Variants in DEPDC1B observed in about 807,000 individuals in gnomAD.
The protein encoded by DEPDC1B is DEP domain-containing protein 1B.
DEPDC1B carries 51 observed loss-of-function variants against 66.5 expected under a neutral mutation model. That is an observed-to-expected ratio of 0.77 (90% CI 0.61 to 0.97). The LOEUF (loss-of-function observed/expected upper bound fraction) is 0.97, where lower values mean the gene tolerates loss of function less well. Among genes scored for constraint, DEPDC1B ranks in the 50% least tolerant of loss-of-function variants. The probability of loss-of-function intolerance (pLI) is 0.00; values close to 1 mark genes in which losing one functional copy is unlikely to be tolerated. For missense variants in DEPDC1B, 552 were observed against 637.1 expected, an observed-to-expected ratio of 0.87 and a Z score of 1.44; for synonymous variants, 226 against 223.6, an observed-to-expected ratio of 1.01 and a Z score of -0.10.
chr5:60,620,681 C>G (rs1752681033), intron 7 of DEPDC1B, among the ~76,000 whole-genome samples: 1 of 152,200 alleles, frequency 6.6e-6, no homozygotes, highest in South Asian at 2.1e-4. Context: ...AATGCTTTTA[C>G]ACTGTTGGTG....
intron 1 of DEPDC1B, chr5:60,689,115 T>C (rs1754488185): frequency 4.4e-6 from 2 of 454,946 alleles, no homozygotes; most frequent in Non-Finnish European, 8.8e-6. Flanking sequence ...TTCTGCCATA[T>C]ACTGGTTGCA....
intron 2 of DEPDC1B, among the ~76,000 whole-genome samples, chr5:60,657,182 C>T (rs1050821389): frequency 1.1e-4 from 16 of 152,122 alleles, no homozygotes; most frequent in African/African-American, 3.6e-4. Context: ...TATATGAGTG[C>T]TTATGTGTTA....
At chr5:60,637,658 A>G (rs542716270) in intron 7 of DEPDC1B, among the ~76,000 whole-genome samples, 14 of 152,290 alleles carry the variant, frequency 9.2e-5, no homozygotes, top group Non-Finnish European at 1.9e-4. Context: ...TGGGCCCCCA[A>G]TTCTCCTCAG....
At chr5:60,606,335 A>C (rs559253056) in intron 7 of DEPDC1B, among the ~76,000 whole-genome samples, 1 of 152,202 alleles carries the variant, frequency 6.6e-6, no homozygotes, top group Non-Finnish European at 1.5e-5. Flanking sequence ...TAGTCAGTCC[A>C]CTGCCAAATG....
chr5:60,632,471 C>T (rs1752947710), intron 7 of DEPDC1B, among the ~76,000 whole-genome samples: 1 of 152,258 alleles, frequency 6.6e-6, no homozygotes, highest in South Asian at 2.1e-4. Flanking sequence ...GGCCAGAGCG[C>T]CCCCTCTGCG....
chr5:60,673,405 G>A (rs1423557108), intron 2 of DEPDC1B, among the ~76,000 whole-genome samples: 1 of 152,186 alleles, frequency 6.6e-6, no homozygotes, highest in Non-Finnish European at 1.5e-5. Flanking sequence ...AGGAGAGGAG[G>A]AGGAGCGGGG....
At position 60,597,862 on chromosome 5, in the gene DEPDC1B, C is replaced by G; in HGVS notation, c.1481G>C (p.Ser494Thr). 6.2e-7 allele frequency: 1 copy of G among 1,613,066 alleles called. No homozygotes were observed. The highest frequency in any genetic ancestry group is 8.5e-7 in the Non-Finnish European group (1 of 1,179,568). Reference sequence around the variant, plus strand: ...TTTTTCAGGAAACAGAAGTGCTGCACTTTCTGGTGTAGGAAATCGTTCTTG... The same window carrying G: ...TTTTTCAGGAAACAGAAGTGCTGCAGTTTCTGGTGTAGGAAATCGTTCTTG... ...VYQERFPTPE[S>T]AALLFPEKPK... is the part of the protein sequence containing the mutation. Residue 494 changes from serine (S) to threonine (T), a missense_variant, in exon 11 of 11, where the codon AGT becomes ACT. Coordinates refer to ENST00000265036, the MANE Select transcript of DEPDC1B (RefSeq NM_018369.3).
chr5:60,645,719 T>A, intron 3 of DEPDC1B, 100 bp from the exon 4 acceptor site: 1 of 1,293,780 alleles, frequency 7.7e-7, no homozygotes, highest in Non-Finnish European at 1.0e-6. Flanking sequence ...ATGAGAAATG[T>A]CTTTGATTTG....
At chr5:60,668,050 A>T (rs1156340162) in intron 2 of DEPDC1B, among the ~76,000 whole-genome samples, 3 of 106,194 alleles carry the variant, frequency 2.8e-5, no homozygotes, top group African/African-American at 1.4e-4. Context: ...TATATATATA[A>T]AATGGATATT....
chr5:60,602,120 C>T (rs554597463), intron 9 of DEPDC1B, among the ~76,000 whole-genome samples: 144 of 113,332 alleles, frequency 1.3e-3, no homozygotes, highest in Admixed American at 3.4e-3. Flanking sequence ...GGGAGGCAGG[C>T]AGGAAGGGAG....
At chr5:60,681,564 C>A (rs1222168875) in intron 2 of DEPDC1B, among the ~76,000 whole-genome samples, 1 of 152,146 alleles carries the variant, frequency 6.6e-6, no homozygotes, top group Non-Finnish European at 1.5e-5. Context: ...ACCAGATACA[C>A]AGATAACAAC....
chr5:60,605,651 A>T (rs1477646173), intron 8 of DEPDC1B, 39 bp downstream of exon 8: 2 of 1,597,622 alleles, frequency 1.3e-6, no homozygotes, highest in African/African-American at 1.3e-5. Flanking sequence ...GTCGACTTTC[A>T]TTCCAAAAAG....
chr5:60,675,749 G>A (rs1330112970), intron 2 of DEPDC1B, among the ~76,000 whole-genome samples: 1 of 151,980 alleles, frequency 6.6e-6, no homozygotes, highest in Non-Finnish European at 1.5e-5. Context: ...TCTCATCTAG[G>A]CAATATCGCT....
chr5:60,672,107 A>G (rs569563801), intron 2 of DEPDC1B, among the ~76,000 whole-genome samples: 1 of 152,312 alleles, frequency 6.6e-6, no homozygotes, highest in South Asian at 2.1e-4. Flanking sequence ...CCCTTTTCAG[A>G]TCAAGTTTGT....
chr5:60,662,962 A>G (rs1753753495), intron 2 of DEPDC1B, among the ~76,000 whole-genome samples: 1 of 152,158 alleles, frequency 6.6e-6, no homozygotes, highest in Non-Finnish European at 1.5e-5. Flanking sequence ...GGAGTCCTAG[A>G]ACAGGCAGTC....
chr5:60,657,642 GT>G (rs1241008483), intron 2 of DEPDC1B, among the ~76,000 whole-genome samples: 17 of 152,130 alleles, frequency 1.1e-4, no homozygotes, highest in African/African-American at 4.1e-4. Flanking sequence ...AGCTTGCAGG[GT>G]TTCTGCTAAA....
intron 9 of DEPDC1B, among the ~76,000 whole-genome samples, chr5:60,599,586 C>T (rs866103672): frequency 2.0e-5 from 3 of 152,170 alleles, no homozygotes; most frequent in South Asian, 2.1e-4. Flanking sequence ...GTGACATGCT[C>T]GTGATGGCCT....
intron 2 of DEPDC1B, among the ~76,000 whole-genome samples, chr5:60,656,080 T>A (rs1346567289): frequency 1.3e-5 from 2 of 152,118 alleles, no homozygotes; most frequent in East Asian, 1.9e-4. Context: ...ATGAATAGAA[T>A]GTATATTCTG....
chr5:60,661,431 C>G (rs1312512466), intron 2 of DEPDC1B, among the ~76,000 whole-genome samples: 1 of 152,188 alleles, frequency 6.6e-6, no homozygotes, highest in Non-Finnish European at 1.5e-5. Flanking sequence ...ACTAGGGGTC[C>G]TGGCATCCCT....
Sources: gnomAD v4.1 joint callset for allele counts (sites outside exome capture counted in the v4.1 genomes callset) on GRCh38, gnomAD v4.1.1 for gene constraint, MANE v1.5 for transcripts, NCBI Gene and HGNC (gene_info 2026-07-23, HGNC 2026-07-21) for gene names.